Variants in ZFYVE28 observed in about 807,000 individuals in gnomAD.
The protein encoded by ZFYVE28 is lateral signaling target protein 2 homolog.
Under a neutral mutation model 82.1 loss-of-function variants are expected in ZFYVE28, and 40 were observed. That is an observed-to-expected ratio of 0.49 (90% CI 0.38 to 0.63). The LOEUF is 0.63. Ranked by LOEUF, ZFYVE28 falls within the 30% of genes least tolerant of loss-of-function variation. The pLI, the probability that ZFYVE28 is intolerant of heterozygous loss-of-function variation, is 0.00. For missense variants in ZFYVE28, 1,321 were observed against 1,242.1 expected, an observed-to-expected ratio of 1.06 and a Z score of -0.96; for synonymous variants, 612 against 546.1, an observed-to-expected ratio of 1.12 and a Z score of -1.68.
chr4:2,348,351 G>C (rs954155195), intron 2 of ZFYVE28, among the ~76,000 whole-genome samples: 1 of 152,266 alleles, frequency 6.6e-6, no homozygotes, highest in South Asian at 2.1e-4. Context: ...GTTCCAGATA[G>C]ATTAATAGTG....
In ZFYVE28 at chr4:2,341,583, C is replaced by T. The variant is rs1315921393; in HGVS notation, c.213G>A (p.Met71Ile). The T allele has an allele frequency of 1.9e-6, 3 of 1,613,784 alleles. No homozygotes were observed. The highest frequency in any genetic ancestry group is 2.5e-6 in the Non-Finnish European group (3 of 1,179,776). Residue 71 changes from methionine to isoleucine, a missense_variant, in exon 3 of 13, where the codon ATG becomes ATA. Around this residue, in one of 2 missense-constraint regions of ZFYVE28, gnomAD observed 343 missense variants for 408.4 expected, o/e 0.84. Transcript: ENST00000290974. The surrounding 1 kb of genome is among the most constrained non-coding windows in gnomAD (Gnocchi z 4.5). ...DNVLNIINQI[M>I]DECIPQDRAP... ...CGCGGTCCTGGGGGATGCACTCATC[C>T]ATGATCTGGTTAATGATGTTCAACA...
chr4:2,376,001 G>T (rs1166149560), intron 1 of ZFYVE28, among the ~76,000 whole-genome samples: 1 of 151,658 alleles, frequency 6.6e-6, no homozygotes, highest in Non-Finnish European at 1.5e-5. Context: ...AGCCTCCCAA[G>T]TAGCTGTGAT....
chr4:2,416,807 C>G lies in ZFYVE28; in HGVS notation c.39+1478G>C, dbSNP rs1228934400. ...ACGCCACAGGAACCCTGAATCCCCC[C>G]GAGTCCCCTCCCAATCAAGCCAAGG... On this transcript the variant is annotated intron_variant, in intron 1 of 12. Coordinates refer to ENST00000290974, the MANE Select transcript of ZFYVE28 (RefSeq NM_020972.3). This position sits in a 1 kb window ranked among gnomAD's most constrained non-coding sequence, Gnocchi z 4.6. Among the ~76,000 whole-genome samples the G allele has an allele frequency of 6.6e-6, 1 of 150,642 alleles. No individual in the cohort carries two copies. The highest frequency in any genetic ancestry group is 1.5e-5 in the Non-Finnish European group (1 of 67,830).
chr4:2,292,043 C>T (rs561874370), intron 8 of ZFYVE28, among the ~76,000 whole-genome samples: 1 of 152,338 alleles, frequency 6.6e-6, no homozygotes, highest in African/African-American at 2.4e-5. Context: ...AGCCTAGAGC[C>T]AGCACGTCCC....
Position 2,339,165 on chromosome 4 carries a change from A to G in ZFYVE28, c.521+288T>C, listed in dbSNP as rs1352900548. 6.6e-6 allele frequency among the ~76,000 whole-genome samples: 1 copy of G among 152,042 alleles called. No individual in the cohort carries two copies. The highest frequency in any genetic ancestry group is 2.4e-5 in the African/African-American group (1 of 41,378). Reference sequence around the variant, plus strand: ...ACGTCTCTTCATCTTCCGAGGCATCATGCATGTCTGGCCCCTCGGGCCTCT... The same window carrying G: ...ACGTCTCTTCATCTTCCGAGGCATCGTGCATGTCTGGCCCCTCGGGCCTCT... On this transcript the variant is annotated intron_variant, in intron 4 of 12. Coordinates refer to ENST00000290974, the MANE Select transcript of ZFYVE28 (RefSeq NM_020972.3). The surrounding 1 kb of genome is among the most constrained non-coding windows in gnomAD (Gnocchi z 5.0).
chr4:2,303,903 C>G (rs1047856318), intron 8 of ZFYVE28, among the ~76,000 whole-genome samples: 3 of 152,236 alleles, frequency 2.0e-5, no homozygotes, highest in Admixed American at 6.5e-5. Context: ...GCAAGGGGCC[C>G]GGCGCTGGCA....
At chr4:2,313,345 C>T (rs754875137) in intron 7 of ZFYVE28, among the ~76,000 whole-genome samples, 22 of 152,024 alleles carry the variant, frequency 1.4e-4, no homozygotes, top group Admixed American at 4.6e-4. Context: ...ATTGCAACTT[C>T]TGCCTCCTGG....
At chr4:2,334,275 G>C (rs1415555541) in intron 6 of ZFYVE28, among the ~76,000 whole-genome samples, 1 of 152,096 alleles carries the variant, frequency 6.6e-6, no homozygotes, top group Non-Finnish European at 1.5e-5. Context: ...CCTCCCGGAG[G>C]AGGTGGCACC....
intron 2 of ZFYVE28, among the ~76,000 whole-genome samples, chr4:2,342,087 C>T (rs1220359250): frequency 6.6e-6 from 1 of 152,208 alleles, no homozygotes; most frequent in African/African-American, 2.4e-5. Flanking sequence ...CCCTGAAGCT[C>T]AGTGCATTCC....
intron 1 of ZFYVE28, among the ~76,000 whole-genome samples, chr4:2,414,098 CT>C (rs1732795523): frequency 6.6e-6 from 1 of 152,256 alleles, no homozygotes; most frequent in Admixed American, 6.5e-5. Flanking sequence ...GGTGCCGCCC[CT>C]CTCAACCAGG....
Position 2,307,362 on chromosome 4 carries a change from G to C in ZFYVE28, c.804-1826C>G, listed in dbSNP as rs559636726. Reference sequence around the variant, plus strand: ...TTCATTCTCTTAATGGTGCTTTTGAGGAAGTTTTAAATTTTAATAAAGTCC... The same window carrying C: ...TTCATTCTCTTAATGGTGCTTTTGACGAAGTTTTAAATTTTAATAAAGTCC... On this transcript the variant is annotated intron_variant, in intron 7 of 12. Coordinates refer to ENST00000290974, the MANE Select transcript of ZFYVE28 (RefSeq NM_020972.3). 2.6e-5 allele frequency among the ~76,000 whole-genome samples: 4 copies of C among 152,046 alleles called. No individual in the cohort carries two copies. In the East Asian group the frequency reaches 5.8e-4, roughly 22 times the overall value.
intron 8 of ZFYVE28, among the ~76,000 whole-genome samples, chr4:2,290,292 G>A (rs768933509): frequency 1.4e-4 from 22 of 152,204 alleles, no homozygotes; most frequent in Non-Finnish European, 2.2e-4. Context: ...TGCCTTCTCC[G>A]AGGAGCTGGG....
At chr4:2,284,947 C>A (rs902592533) in intron 8 of ZFYVE28, among the ~76,000 whole-genome samples, 1 of 152,228 alleles carries the variant, frequency 6.6e-6, no homozygotes, top group African/African-American at 2.4e-5. Context: ...GGCCCCCCAG[C>A]AAGCTCATAT....
Position 2,337,704 on chromosome 4 carries a change from T to A in ZFYVE28, c.522-208A>T, listed in dbSNP as rs192158450. Reference sequence around the variant, plus strand: ...CGAGGCACCACAGCAAGACCTCATCTCTACAAAAAATAAAAAAGTCGGGTG... The same window carrying A: ...CGAGGCACCACAGCAAGACCTCATCACTACAAAAAATAAAAAAGTCGGGTG... On this transcript the variant is annotated intron_variant, in intron 4 of 12. Coordinates refer to ENST00000290974, the MANE Select transcript of ZFYVE28 (RefSeq NM_020972.3). Among the ~76,000 whole-genome samples, 188 of 152,074 alleles carry A rather than the reference T, an allele frequency of 1.2e-3. 1 individual carries two copies. The highest frequency in any genetic ancestry group is 2.0e-3 in the Non-Finnish European group (139 of 67,974).
intron 1 of ZFYVE28, chr4:2,364,924 G>A (rs1341974072): frequency 1.0e-6 from 1 of 985,038 alleles, no homozygotes. Context: ...TGGAGGCGGG[G>A]GCGGGGCCCA....
At chr4:2,403,842 A>G (rs1465853728) in intron 1 of ZFYVE28, among the ~76,000 whole-genome samples, 1 of 152,060 alleles carries the variant, frequency 6.6e-6, no homozygotes, top group Non-Finnish European at 1.5e-5. Context: ...GGTGGTGCAC[A>G]TCTGTGGTCC....
chr4:2,282,307 G>A (rs1337607115), intron 8 of ZFYVE28, among the ~76,000 whole-genome samples: 4 of 152,246 alleles, frequency 2.6e-5, no homozygotes, highest in Non-Finnish European at 5.9e-5. Flanking sequence ...AAGAAAGGCA[G>A]TGCAATTCTA....
Position 2,417,349 on chromosome 4 carries a change from G to A in ZFYVE28, c.39+936C>T, listed in dbSNP as rs1039337876. 6.6e-6 allele frequency among the ~76,000 whole-genome samples: 1 copy of A among 151,790 alleles called. No individual in the cohort carries two copies. The highest frequency in any genetic ancestry group is 1.5e-5 in the Non-Finnish European group (1 of 67,878). ...GCCGCGCCTTCATCCCGCGCCGAGC[G>A]CGCCCGGCCCTGCTCCGGCTGCAGC... On this transcript the variant is annotated intron_variant, in intron 1 of 12. Coordinates refer to ENST00000290974, the MANE Select transcript of ZFYVE28 (RefSeq NM_020972.3). The surrounding 1 kb of genome is among the most constrained non-coding windows in gnomAD (Gnocchi z 4.8).
intron 8 of ZFYVE28, among the ~76,000 whole-genome samples, chr4:2,290,405 C>G (rs930424263): frequency 3.9e-5 from 6 of 152,318 alleles, no homozygotes; most frequent in Admixed American, 3.9e-4. Context: ...TTGCAGGCCC[C>G]AAGGGCCACT....
Sources: allele counts gnomAD v4.1 joint callset (sites outside exome capture counted in the v4.1 genomes callset), GRCh38; gene constraint gnomAD v4.1.1; regional missense constraint gnomAD v4.1.1; non-coding constraint Gnocchi (gnomAD v3.1); transcripts MANE v1.5; gene names NCBI Gene and HGNC (gene_info 2026-07-23, HGNC 2026-07-21).